MGAT4C: variants seen among roughly 807,000 people sequenced by gnomAD.
The protein encoded by MGAT4C is MGAT4 family member C, also known as alpha-1,3-mannosyl-glycoprotein 4-beta-N-acetylglucosaminyltransferase C.
A neutral mutation model predicts 40.1 loss-of-function variants in MGAT4C; 19 were observed. The observed-to-expected ratio is 0.47, with a 90% CI of 0.33 to 0.70. MGAT4C has a LOEUF of 0.70. Ranked by LOEUF, MGAT4C falls within the 30% of genes least tolerant of loss-of-function variation. The pLI is 0.02. For synonymous variants in MGAT4C, 181 were observed against 187.1 expected, an observed-to-expected ratio of 0.97 and a Z score of 0.27; for missense variants, 491 against 563.2, an observed-to-expected ratio of 0.87 and a Z score of 1.30.
chr12:86,245,086 G>A (rs1383409686), intron 1 of MGAT4C, among the ~76,000 whole-genome samples: 4 of 152,020 alleles, frequency 2.6e-5, no homozygotes, highest in Non-Finnish European at 4.4e-5. Flanking sequence ...TGACTCCTAA[G>A]CCCACACTAT....
chr12:86,207,354 A>G (rs532420114), intron 1 of MGAT4C, among the ~76,000 whole-genome samples: 1 of 152,152 alleles, frequency 6.6e-6, no homozygotes, highest in Non-Finnish European at 1.5e-5. Flanking sequence ...TACATGTGCC[A>G]TGGTGGTTCA....
At chr12:86,752,473 T>C (rs999329011) in intron 1 of MGAT4C, among the ~76,000 whole-genome samples, 2 of 152,098 alleles carry the variant, frequency 1.3e-5, no homozygotes, top group South Asian at 2.1e-4. Context: ...TTGGCTATTT[T>C]AGGTCTTTTA....
chr12:86,064,761 C>G (rs561438132), intron 1 of MGAT4C, among the ~76,000 whole-genome samples: 2 of 152,116 alleles, frequency 1.3e-5, no homozygotes, highest in Admixed American at 1.3e-4. Flanking sequence ...TTCAAAAAAT[C>G]AATAAATCCA....
At chr12:86,143,335 T>A (rs977977960) in intron 1 of MGAT4C, among the ~76,000 whole-genome samples, 6 of 152,172 alleles carry the variant, frequency 3.9e-5, no homozygotes, top group African/African-American at 1.4e-4. Flanking sequence ...ACAGCATGGC[T>A]TAAGGGTGAA....
intron 2 of MGAT4C, among the ~76,000 whole-genome samples, chr12:86,564,583 C>A (rs1047956724): frequency 1.3e-5 from 2 of 152,204 alleles, no homozygotes; most frequent in African/African-American, 4.8e-5. Context: ...ATAAATCCGA[C>A]TAAAATTCGG....
intron 4 of MGAT4C, among the ~76,000 whole-genome samples, chr12:86,303,812 AT>A (rs1953871577): frequency 6.6e-6 from 1 of 150,556 alleles, no homozygotes; most frequent in Non-Finnish European, 1.5e-5. Flanking sequence ...AATGGATTAA[AT>A]ATCTAAGAAT....
intron 2 of MGAT4C, among the ~76,000 whole-genome samples, chr12:86,723,531 A>C (rs1950770644): frequency 6.6e-6 from 1 of 152,110 alleles, no homozygotes; most frequent in Admixed American, 6.5e-5. Flanking sequence ...GTTTCTTCAC[A>C]TTGTTTTCCC....
intron 1 of MGAT4C, among the ~76,000 whole-genome samples, chr12:86,248,527 C>T (rs532894042): frequency 1.3e-5 from 2 of 152,180 alleles, no homozygotes; most frequent in African/African-American, 4.8e-5. Flanking sequence ...CTTGCACGCT[C>T]TTATGCAAGA....
intron 2 of MGAT4C, among the ~76,000 whole-genome samples, chr12:86,548,362 A>G (rs1358765234): frequency 6.6e-6 from 1 of 152,130 alleles, no homozygotes; most frequent in Non-Finnish European, 1.5e-5. Context: ...ATAATCTCTC[A>G]AGGTTAATTT....
chr12:86,587,218 C>T (rs576329977), intron 2 of MGAT4C, among the ~76,000 whole-genome samples: 54 of 151,806 alleles, frequency 3.6e-4, no homozygotes, highest in Non-Finnish European at 7.5e-4. Flanking sequence ...GAATCCTTTC[C>T]CCATTGCTTG....
chr12:86,123,344 T>C (rs957010307), intron 1 of MGAT4C, among the ~76,000 whole-genome samples: 1 of 152,146 alleles, frequency 6.6e-6, no homozygotes, highest in African/African-American at 2.4e-5. Context: ...AGAGTGTTTT[T>C]CATGGGAGAT....
chr12:86,709,314 G>A (rs771549422), intron 2 of MGAT4C, among the ~76,000 whole-genome samples: 1 of 152,138 alleles, frequency 6.6e-6, no homozygotes, highest in Non-Finnish European at 1.5e-5. Flanking sequence ...GGAACTGTAA[G>A]TCCATTAAAC....
chr12:86,259,250 T>C (rs1182710007), upstream of MGAT4C, among the ~76,000 whole-genome samples: 1 of 152,084 alleles, frequency 6.6e-6, no homozygotes, highest in Non-Finnish European at 1.5e-5. Flanking sequence ...CTTTCAGTAA[T>C]TTATTTTCAG....
At chr12:86,791,621 C>T (rs1396987065) in intron 1 of MGAT4C, among the ~76,000 whole-genome samples, 1 of 151,994 alleles carries the variant, frequency 6.6e-6, no homozygotes, top group East Asian at 1.9e-4. Flanking sequence ...TTTATTCTCC[C>T]TACATTTTTT....
At chr12:86,769,292 G>A (rs1292159532) in intron 1 of MGAT4C, among the ~76,000 whole-genome samples, 1 of 152,048 alleles carries the variant, frequency 6.6e-6, no homozygotes, top group Admixed American at 6.6e-5. Context: ...GGCCATCAGA[G>A]AAATGCAAAT....
rs1277682900 is a variant in MGAT4C, at chr12:85,965,986, T to C, written c.*13303A>G. The C allele has an allele frequency of 1.3e-5, 2 of 152,232 alleles. No individual in the cohort carries two copies. Among genetic ancestry groups the C allele is most frequent in the East Asian group, 3.9e-4 (2 of 5,180 alleles). The allele number at this position is 152,232 out of a possible 1,614,324, so 9.4% of individuals were successfully genotyped here. A position where few individuals can be genotyped will look rare whatever the true frequency, so the allele number is the denominator to read the frequency against. On this transcript the variant is annotated 3_prime_UTR_variant, in exon 5 of 5. Coordinates refer to ENST00000611864, the MANE Select transcript of MGAT4C (RefSeq NM_001351288.2). ...ACTCCTTAAATAGCTGCCAAATAAA[T>C]GACATTAAAAAATGTATAAAAAGGT...
At chr12:86,082,213 T>C (rs975540990) in intron 1 of MGAT4C, among the ~76,000 whole-genome samples, 1 of 152,310 alleles carries the variant, frequency 6.6e-6, no homozygotes, top group African/African-American at 2.4e-5. Flanking sequence ...AGTCTGGCAA[T>C]GCCATTAAAC....
intron 2 of MGAT4C, among the ~76,000 whole-genome samples, chr12:86,709,738 T>C (rs10858468): frequency 0.78 from 118,131 of 151,988 alleles, 47,271 homozygotes; most frequent in Middle Eastern, 0.88. Context: ...TAAGTATTTC[T>C]AACTATAGAT....
intron 1 of MGAT4C, among the ~76,000 whole-genome samples, chr12:86,069,174 G>A (rs10863160): frequency 0.12 from 17,399 of 142,636 alleles, 1,507 homozygotes; most frequent in African/African-American, 0.25. Flanking sequence ...TTCAGTTTTC[G>A]GAGTTAAAAA....
Sources: gnomAD v4.1 joint callset for allele counts (sites outside exome capture counted in the v4.1 genomes callset) on GRCh38, gnomAD v4.1.1 for gene constraint, MANE v1.5 for transcripts, NCBI Gene and HGNC (gene_info 2026-07-23, HGNC 2026-07-21) for gene names.